The following FCHSD2 variants were observed in gnomAD, a reference collection of about 807,000 sequenced individuals.
FCHSD2 encodes the protein F-BAR and double SH3 domains protein 2.
FCHSD2 carries 38 observed loss-of-function variants against 108.1 expected under a neutral mutation model. The ratio of observed to expected loss-of-function variants is 0.35; its 90% confidence interval spans 0.27 to 0.46. The LOEUF (loss-of-function observed/expected upper bound fraction) is 0.46, where lower values mean the gene tolerates loss of function less well. FCHSD2 is among the 20% of genes least tolerant of loss of function. FCHSD2 has a pLI of 1.00. For synonymous variants in FCHSD2, 279 were observed against 314.7 expected, an observed-to-expected ratio of 0.89 and a Z score of 1.20; for missense variants, 751 against 897.8, an observed-to-expected ratio of 0.84 and a Z score of 2.09.
chr11:72,940,718 C>A, intron 8 of FCHSD2: 1 of 960,088 alleles, frequency 1.0e-6, no homozygotes, highest in Non-Finnish European at 1.7e-6. Flanking sequence ...AGAAAACGCC[C>A]AGTTCCTAAG....
chr11:72,948,371 A>C lies in FCHSD2; in HGVS notation c.706-26421T>G, dbSNP rs373087879. 1.8e-4 allele frequency among the ~76,000 whole-genome samples: 27 copies of C among 152,278 alleles called. No homozygotes were observed. In the South Asian group the frequency reaches 5.6e-3, roughly 32 times the overall value. On this transcript the variant is annotated intron_variant, in intron 8 of 19. Coordinates refer to ENST00000409418, the MANE Select transcript of FCHSD2 (RefSeq NM_014824.3). The stretch of plus-strand genomic sequence containing the variant: ...ATTTCAATTACTTCAAAATTACTGA[A>C]TGTTTCATTTTTCAACATTTTAGTT...
chr11:73,067,428 T>C (rs1381284002), intron 3 of FCHSD2, among the ~76,000 whole-genome samples: 1 of 151,854 alleles, frequency 6.6e-6, no homozygotes, highest in Non-Finnish European at 1.5e-5. Flanking sequence ...ATTACACCTA[T>C]GTAACAAAAC....
intron 3 of FCHSD2, among the ~76,000 whole-genome samples, chr11:73,072,139 G>T (rs982129455): frequency 6.6e-6 from 1 of 150,932 alleles, no homozygotes; most frequent in Admixed American, 6.6e-5. Context: ...CACACAAAAG[G>T]TTCAAAATCA....
intron 13 of FCHSD2, among the ~76,000 whole-genome samples, chr11:72,853,912 T>C (rs1861358295): frequency 6.6e-6 from 1 of 152,134 alleles, no homozygotes; most frequent in African/African-American, 2.4e-5. Context: ...GGCAAAAGAT[T>C]TGAAGAGATA....
chr11:73,039,410 C>T (rs1437502806), intron 3 of FCHSD2, among the ~76,000 whole-genome samples: 5 of 151,708 alleles, frequency 3.3e-5, no homozygotes, highest in Non-Finnish European at 5.9e-5. Flanking sequence ...CCTAGCTACT[C>T]CAGAGGCAGA....
chr11:72,912,293 C>T (rs1045840799), intron 9 of FCHSD2, among the ~76,000 whole-genome samples: 1 of 152,132 alleles, frequency 6.6e-6, no homozygotes, highest in African/African-American at 2.4e-5. Context: ...TTATACATGG[C>T]TTTTATTGTA....
chr11:73,123,588 A>C (rs965243263), intron 2 of FCHSD2, among the ~76,000 whole-genome samples: 1 of 152,200 alleles, frequency 6.6e-6, no homozygotes, highest in Non-Finnish European at 1.5e-5. Flanking sequence ...AGCTATGTTT[A>C]ATTCTGGGAA....
intron 9 of FCHSD2, among the ~76,000 whole-genome samples, chr11:72,918,233 G>A (rs1179562239): frequency 1.3e-5 from 2 of 151,784 alleles, no homozygotes; most frequent in East Asian, 3.9e-4. Flanking sequence ...ACTGATTTTT[G>A]TGTTTTTATC....
chr11:72,931,271 G>GTT lies in FCHSD2; in HGVS notation c.706-9323_706-9322dup, dbSNP rs143086970. Among the ~76,000 whole-genome samples the GTT allele has an allele frequency of 9.8e-3, 1,240 of 126,512 alleles. 40 individuals carry two copies. Among genetic ancestry groups the GTT allele is most frequent in the Admixed American group, 0.031 (380 of 12,280 alleles). The allele number at this position is 126,512 out of a possible 152,430, so 83.0% of individuals were successfully genotyped here. On this transcript the variant is annotated intron_variant, in intron 8 of 19. Coordinates refer to ENST00000409418, the MANE Select transcript of FCHSD2 (RefSeq NM_014824.3). ...CACCATGCACAACTAATTTTTGTGG[G>GTT]TTTTTTTTTTTTTTTAGTAGAGATG...
At chr11:72,984,244 G>T (rs748572936) in intron 7 of FCHSD2, 28 bp from the exon 8 acceptor site, 1 of 1,611,378 alleles carries the variant, frequency 6.2e-7, no homozygotes, top group East Asian at 2.2e-5. Context: ...AAAATAATCA[G>T]TGCAAACTGA....
intron 2 of FCHSD2, among the ~76,000 whole-genome samples, chr11:73,131,178 T>TG (rs1301489730): frequency 1.3e-5 from 2 of 151,392 alleles, no homozygotes; most frequent in African/African-American, 4.9e-5. Context: ...GACCAGGAGT[T>TG]GGAGACCAGC....
rs1292522922 is a variant in FCHSD2 at position 72,837,313 on chromosome 11, T to G, written c.*1478A>C. 1 of 152,474 alleles carries G rather than the reference T, an allele frequency of 6.6e-6. No individual in the cohort carries two copies. The highest frequency in any genetic ancestry group is 1.5e-5 in the Non-Finnish European group (1 of 68,012). The allele number at this position is 152,474 out of a possible 1,614,324, so 9.4% of individuals were successfully genotyped here. A position where few individuals can be genotyped will look rare whatever the true frequency, so the allele number is the denominator to read the frequency against. Reference sequence around the variant, plus strand: ...ACTGAAGTGATCAAAGAACTAAAAATTTCTTCAGTTATCACCTTACTTTTG... The same window carrying G: ...ACTGAAGTGATCAAAGAACTAAAAAGTTCTTCAGTTATCACCTTACTTTTG... On this transcript the variant is annotated 3_prime_UTR_variant, in exon 20 of 20. Transcript: ENST00000409418.
chr11:72,890,065 A>G, intron 10 of FCHSD2, 120 bp from the exon 11 acceptor site: 1 of 622,556 alleles, frequency 1.6e-6, no homozygotes, highest in Non-Finnish European at 2.9e-6. Flanking sequence ...GGCACGCTCC[A>G]CTACTGCTGG....
At chr11:73,083,304 A>G (rs917218295) in intron 3 of FCHSD2, among the ~76,000 whole-genome samples, 3 of 152,180 alleles carry the variant, frequency 2.0e-5, no homozygotes, top group Admixed American at 2.0e-4. Context: ...TAATCCCAAC[A>G]CTTTGGGAGG....
chr11:72,970,667 G>C (rs1279509821), intron 8 of FCHSD2, among the ~76,000 whole-genome samples: 2 of 152,092 alleles, frequency 1.3e-5, no homozygotes, highest in African/African-American at 2.4e-5. Flanking sequence ...AAATGCCACT[G>C]TCTGCTGCCA....
At chr11:72,895,690 C>G (rs978680242) in intron 10 of FCHSD2, among the ~76,000 whole-genome samples, 2 of 152,140 alleles carry the variant, frequency 1.3e-5, no homozygotes, top group Non-Finnish European at 2.9e-5. Context: ...TACAAAAAGC[C>G]TTTTGTGAAA....
At chr11:72,953,047 A>G (rs1591430620) in intron 8 of FCHSD2, among the ~76,000 whole-genome samples, 3 of 152,228 alleles carry the variant, frequency 2.0e-5, no homozygotes, top group Admixed American at 2.0e-4. Context: ...AGAATAAGAG[A>G]TATTTATGAA....
rs965774248 is a variant in FCHSD2 at position 73,007,924 on chromosome 11, G to A, written c.243-6790C>T. On this transcript the variant is annotated intron_variant, in intron 4 of 19. Coordinates refer to ENST00000409418, the MANE Select transcript of FCHSD2 (RefSeq NM_014824.3). ...ACTCTTTGTATTTATTATTTCTGAC[G>A]ACTATGTGTGGCTACAATTATCTCA... Among the ~76,000 whole-genome samples the A allele has an allele frequency of 7.9e-5, 12 of 152,226 alleles. No homozygotes were observed. The East Asian group carries it at 1.5e-3, about 20-fold the overall frequency.
intron 4 of FCHSD2, among the ~76,000 whole-genome samples, chr11:73,010,308 G>A (rs149453288): frequency 1.8e-3 from 279 of 152,042 alleles, no homozygotes; most frequent in African/African-American, 6.5e-3. Flanking sequence ...TTGTTTTTCT[G>A]ATTTCTCTGT....
Sources: gnomAD v4.1 joint callset for allele counts (sites outside exome capture counted in the v4.1 genomes callset) on GRCh38, gnomAD v4.1.1 for gene constraint, MANE v1.5 for transcripts, NCBI Gene and HGNC (gene_info 2026-07-23, HGNC 2026-07-21) for gene names.